The following CNTNAP4 variants were observed in gnomAD, a reference collection of about 807,000 sequenced individuals.
The protein encoded by CNTNAP4 is contactin-associated protein-like 4.
Under a neutral mutation model 148.4 loss-of-function variants are expected in CNTNAP4, and 98 were observed. That is an observed-to-expected ratio of 0.66 (90% CI 0.56 to 0.78). The LOEUF is 0.78. CNTNAP4 is among the 30% of genes least tolerant of loss of function. The pLI, the probability that CNTNAP4 is intolerant of heterozygous loss-of-function variation, is 0.00. For missense variants in CNTNAP4, 1,935 were observed against 1,565.6 expected (o/e 1.24, Z -3.98); for synonymous variants, 730 against 565.1 (o/e 1.29, Z -4.14).
intron 1 of CNTNAP4, among the ~76,000 whole-genome samples, chr16:76,291,045 A>G (rs1306382804): frequency 6.6e-6 from 1 of 151,986 alleles, no homozygotes; most frequent in Non-Finnish European, 1.5e-5. Flanking sequence ...CACCCTTACA[A>G]CCTCATTTAA....
chr16:76,316,355 G>T (rs1567675895), intron 1 of CNTNAP4, 58 bp from the exon 2 acceptor site: 1 of 1,091,044 alleles, frequency 9.2e-7, no homozygotes, highest in Admixed American at 1.8e-5. Flanking sequence ...TTTGTCTATT[G>T]ATTCCACGAA....
intron 9 of CNTNAP4, 52 bp from the exon 10 acceptor site, chr16:76,467,300 C>G: frequency 6.6e-7 from 1 of 1,509,720 alleles, no homozygotes; most frequent in Non-Finnish European, 9.2e-7. Context: ...TATCTATGAT[C>G]CTGAATTCTG....
At chr16:76,547,751 C>T (rs2144356409) in intron 21 of CNTNAP4, among the ~76,000 whole-genome samples, 1 of 152,240 alleles carries the variant, frequency 6.6e-6, no homozygotes, top group Non-Finnish European at 1.5e-5. Flanking sequence ...TCTTTGGAGT[C>T]CGCAGAGCTC....
chr16:76,292,398 T>C (rs957041013), intron 1 of CNTNAP4, among the ~76,000 whole-genome samples: 68 of 152,240 alleles, frequency 4.5e-4, no homozygotes, highest in African/African-American at 1.5e-3. Context: ...AGTGCATCTG[T>C]CACCCTCCAG....
Position 76,498,590 on chromosome 16 carries a change from C to G in CNTNAP4, c.2261C>G (p.Ala754Gly). ...AGGACCAATGACACTGGATTGCTTG[C>G]TTATAAAGAACATCTTCCAGTAACT... The part of the protein sequence containing the change: ...NEWTNDTGLL[A>G]YKEHLPVTKI... The change falls in exon 15 of 24, where the codon GCT becomes GGT. Residue 754 changes from alanine to glycine, a missense_variant. Coordinates refer to ENST00000611870, the MANE Select transcript of CNTNAP4 (RefSeq NM_033401.5). 6.2e-7 allele frequency: 1 copy of G among 1,612,002 alleles called. No individual in the cohort carries two copies. Among genetic ancestry groups the G allele is most frequent in the Non-Finnish European group, 8.5e-7 (1 of 1,179,006 alleles).
At chr16:76,455,448 C>T (rs1439580338) in intron 8 of CNTNAP4, among the ~76,000 whole-genome samples, 3 of 152,172 alleles carry the variant, frequency 2.0e-5, no homozygotes, top group Admixed American at 2.0e-4. Context: ...GAGCAGCCCC[C>T]TTGATTTGCT....
At chr16:76,384,389 C>G (rs1305658242) in intron 3 of CNTNAP4, among the ~76,000 whole-genome samples, 1 of 152,042 alleles carries the variant, frequency 6.6e-6, no homozygotes, top group Non-Finnish European at 1.5e-5. Context: ...TAAGTTAAGG[C>G]TGGCAGTAAT....
At chr16:76,426,835 A>G (rs986531916) in intron 3 of CNTNAP4, among the ~76,000 whole-genome samples, 2 of 152,146 alleles carry the variant, frequency 1.3e-5, no homozygotes, top group African/African-American at 4.8e-5. Flanking sequence ...CCGTAAGTTT[A>G]ATTACAGGTC....
chr16:76,422,413 G>T (rs8050789), intron 3 of CNTNAP4, among the ~76,000 whole-genome samples: 63,756 of 151,900 alleles, frequency 0.42, 13,761 homozygotes, highest in African/African-American at 0.51. Context: ...TAATAGAAAA[G>T]TTCTTTGTCT....
chr16:76,339,914 C>G (rs1964328658), intron 2 of CNTNAP4, among the ~76,000 whole-genome samples: 1 of 152,148 alleles, frequency 6.6e-6, no homozygotes, highest in African/African-American at 2.4e-5. Context: ...TCTTATATAA[C>G]AAGCTAAATC....
chr16:76,525,449 G>A (rs1037881286), intron 17 of CNTNAP4, among the ~76,000 whole-genome samples: 4 of 147,720 alleles, frequency 2.7e-5, no homozygotes, highest in Admixed American at 1.4e-4. Context: ...TATAGAGAGA[G>A]AAAAAATGTA....
chr16:76,277,843 C>T, intron 1 of CNTNAP4, 96 bp downstream of exon 1: 1 of 802,814 alleles, frequency 1.2e-6, no homozygotes, highest in African/African-American at 1.7e-5. Context: ...GCTGGGATTG[C>T]TGCAAAGCGT....
chr16:76,386,484 C>T (rs970875330), intron 3 of CNTNAP4, among the ~76,000 whole-genome samples: 1 of 152,010 alleles, frequency 6.6e-6, no homozygotes, highest in African/African-American at 2.4e-5. Context: ...GTTGAATTGC[C>T]TTTATGCTTA....
At chr16:76,482,269 G>A (rs2081862053) in intron 12 of CNTNAP4, among the ~76,000 whole-genome samples, 1 of 152,078 alleles carries the variant, frequency 6.6e-6, no homozygotes. Flanking sequence ...TGGAGGAAAG[G>A]TGTTAGATTT....
At chr16:76,451,348 A>G (rs917702052) in intron 7 of CNTNAP4, among the ~76,000 whole-genome samples, 4 of 152,152 alleles carry the variant, frequency 2.6e-5, no homozygotes, top group Non-Finnish European at 5.9e-5. Flanking sequence ...CAGTTTGATA[A>G]TAAAATACAG....
chr16:76,284,035 C>G (rs1329333400), intron 1 of CNTNAP4, among the ~76,000 whole-genome samples: 1 of 151,936 alleles, frequency 6.6e-6, no homozygotes, highest in Admixed American at 6.6e-5. Flanking sequence ...CTTCCATGCT[C>G]TAGTGTTTCA....
intron 3 of CNTNAP4, among the ~76,000 whole-genome samples, chr16:76,415,492 CTAA>C (rs1184981688): frequency 6.6e-6 from 1 of 150,802 alleles, no homozygotes; most frequent in Non-Finnish European, 1.5e-5. Flanking sequence ...AATTCAAAGT[CTAA>C]TAATACGTTG....
At chr16:76,402,088 A>C (rs1423439909) in intron 3 of CNTNAP4, among the ~76,000 whole-genome samples, 1 of 152,090 alleles carries the variant, frequency 6.6e-6, no homozygotes, top group African/African-American at 2.4e-5. Flanking sequence ...CTTCCTCCTC[A>C]GTTTTTTGGA....
rs1389880708 is a variant in CNTNAP4 at position 76,522,105 on chromosome 16, C to G, written c.2603C>G (p.Pro868Arg). ...NGPFEISVQS[P>R]THFNDNQWHH... is the part of the protein sequence containing the mutation. ...CCTTTTGAAATCTCAGTGCAGTCACCCACCCACTTCAACGACAACCAGTGG... is the reference window on the plus strand; with the variant it reads ...CCTTTTGAAATCTCAGTGCAGTCACGCACCCACTTCAACGACAACCAGTGG... The change falls in exon 17 of 24, where the codon CCC becomes CGC. Residue 868 changes from proline (P) to arginine (R), a missense_variant. Pro to Arg is a moderately radical substitution (Grantham distance 103). Coordinates refer to ENST00000611870, the MANE Select transcript of CNTNAP4 (RefSeq NM_033401.5). 3 of 1,613,850 alleles carry G rather than the reference C, an allele frequency of 1.9e-6. No individual in the cohort carries two copies. Among genetic ancestry groups the G allele is most frequent in the Non-Finnish European group, 2.5e-6 (3 of 1,179,856 alleles).
Sources: allele counts gnomAD v4.1 joint callset (sites outside exome capture counted in the v4.1 genomes callset), GRCh38; gene constraint gnomAD v4.1.1; transcripts MANE v1.5; gene names NCBI Gene and HGNC (gene_info 2026-07-23, HGNC 2026-07-21).